Variants in IKZF1 observed in about 807,000 individuals in gnomAD.
IKZF1 encodes the protein DNA-binding protein Ikaros.
Under a neutral mutation model 51.7 loss-of-function variants are expected in IKZF1, and 10 were observed. The observed-to-expected ratio is 0.19, with a 90% CI of 0.12 to 0.33. IKZF1 has a LOEUF of 0.33. IKZF1 is among the 10% of genes least tolerant of loss of function. The pLI is 1.00. For synonymous variants in IKZF1, 280 were observed against 282.3 expected (o/e 0.99, Z 0.08); for missense variants, 484 against 707.5 (o/e 0.68, Z 3.58).
chr7:50,344,477 A>AT (rs1799854324), intron 3 of IKZF1, among the ~76,000 whole-genome samples: 1 of 152,130 alleles, frequency 6.6e-6, no homozygotes, highest in African/African-American at 2.4e-5. Flanking sequence ...TTGCCTCTCT[A>AT]TTTTTTGTGC....
chr7:50,370,841 G>A (rs1202748929), intron 3 of IKZF1, among the ~76,000 whole-genome samples: 1 of 152,154 alleles, frequency 6.6e-6, no homozygotes, highest in Non-Finnish European at 1.5e-5. Flanking sequence ...AAGTAATGGG[G>A]TGGGGGGTTA....
intron 3 of IKZF1, among the ~76,000 whole-genome samples, chr7:50,362,773 T>C (rs150022331): frequency 1.3e-5 from 2 of 152,166 alleles, no homozygotes; most frequent in Non-Finnish European, 2.9e-5. Flanking sequence ...TTGGAAGCAG[T>C]TGTGACCGGA....
chr7:50,334,886 G>GGT (rs1210670849), intron 3 of IKZF1, among the ~76,000 whole-genome samples: 45 of 150,570 alleles, frequency 3.0e-4, no homozygotes, highest in South Asian at 1.0e-3. Context: ...TGTAATGTGT[G>GGT]GTGTGTGTGT....
At chr7:50,316,511 A>T (rs1231871686) in intron 1 of IKZF1, among the ~76,000 whole-genome samples, 2 of 152,228 alleles carry the variant, frequency 1.3e-5, no homozygotes, top group East Asian at 3.8e-4. Flanking sequence ...GGCTGCTGAC[A>T]ATAGACGCGC....
chr7:50,336,249 C>T (rs893597470), intron 3 of IKZF1, among the ~76,000 whole-genome samples: 2 of 152,138 alleles, frequency 1.3e-5, no homozygotes, highest in African/African-American at 4.8e-5. Flanking sequence ...CTGCCTGGCC[C>T]CGGCGGGGGC....
intron 7 of IKZF1, among the ~76,000 whole-genome samples, chr7:50,392,354 T>C (rs1414893416): frequency 2.0e-5 from 3 of 151,922 alleles, no homozygotes; most frequent in Non-Finnish European, 4.4e-5. Flanking sequence ...AGGGCTTAGC[T>C]AGGATTGCTG....
In IKZF1 at chr7:50,403,340, G is replaced by A. The variant is rs114737126; in HGVS notation, c.*2713G>A. 1,530 of 222,140 alleles carry A rather than the reference G, an allele frequency of 6.9e-3. 16 individuals are homozygous for A. The highest frequency in any genetic ancestry group is 0.024 in the African/African-American group (1,077 of 44,718). 13.8% of individuals were successfully genotyped at this position (222,140 alleles called of 1,614,324 possible). A position where few individuals can be genotyped will look rare whatever the true frequency, so the allele number is the denominator to read the frequency against. On this transcript the variant is annotated 3_prime_UTR_variant, in exon 8 of 8. Transcript: ENST00000331340. ...TTGCATGACTTCACACTTTTTTTGC[G>A]TAGTTTCTTCTGTTGTATGATGGCG... is the stretch of plus-strand genomic sequence containing the variant.
At position 50,402,901 on chromosome 7, in the gene IKZF1, C is replaced by T. The variant is rs1300440597; in HGVS notation, c.*2274C>T. 2.6e-5 allele frequency: 6 copies of T among 228,836 alleles called. No homozygotes were observed. Among genetic ancestry groups the T allele is most frequent in the African/African-American group, 1.1e-4 (5 of 45,112 alleles). The allele number at this position is 228,836 out of a possible 1,614,324, so 14.2% of individuals were successfully genotyped here. On this transcript the variant is annotated 3_prime_UTR_variant, in exon 8 of 8. Transcript: ENST00000331340. ...CAATATGCAATCACAGAGAAAGATGCGCCTTATCCAAGTTAATATCTCTAA... is the reference window on the plus strand; with the variant it reads ...CAATATGCAATCACAGAGAAAGATGTGCCTTATCCAAGTTAATATCTCTAA...
At chr7:50,384,162 A>G (rs767315082) in intron 5 of IKZF1, among the ~76,000 whole-genome samples, 1 of 152,176 alleles carries the variant, frequency 6.6e-6, no homozygotes, top group Non-Finnish European at 1.5e-5. Flanking sequence ...TGCTTTAGAG[A>G]CATTCTAAAC....
At chr7:50,382,470 T>G (rs1812108951) in intron 4 of IKZF1, 70 bp from the exon 5 acceptor site, 1 of 1,501,886 alleles carries the variant, frequency 6.7e-7, no homozygotes. Context: ...GGAAACAACT[T>G]TCTCGTAGCA....
chr7:50,364,796 C>A (rs114253315), intron 3 of IKZF1, among the ~76,000 whole-genome samples: 6 of 152,326 alleles, frequency 3.9e-5, no homozygotes, highest in African/African-American at 1.4e-4. Flanking sequence ...TGCATACTCA[C>A]CTGCTCTGTG....
At chr7:50,360,731 G>A (rs952944229) in intron 3 of IKZF1, among the ~76,000 whole-genome samples, 3 of 152,336 alleles carry the variant, frequency 2.0e-5, no homozygotes, top group African/African-American at 4.8e-5. Flanking sequence ...GACGACTGCC[G>A]AGCTCCGCAG....
intron 1 of IKZF1, among the ~76,000 whole-genome samples, chr7:50,306,936 G>A (rs150764854): frequency 8.7e-4 from 132 of 152,278 alleles, no homozygotes; most frequent in African/African-American, 2.9e-3. Flanking sequence ...TCAAGATTAT[G>A]CATTTATTAA....
intron 3 of IKZF1, chr7:50,367,705 C>T (rs1045327587): frequency 1.2e-4 from 34 of 273,202 alleles, no homozygotes; most frequent in African/African-American, 7.5e-4. Context: ...AATGGTTTCT[C>T]ACAGTTCTAG....
chr7:50,314,351 C>T (rs950792082), intron 1 of IKZF1, among the ~76,000 whole-genome samples: 8 of 152,294 alleles, frequency 5.3e-5, no homozygotes, highest in African/African-American at 1.9e-4. Context: ...ACCTCATGAT[C>T]CGCCTGCCTC....
At chr7:50,358,008 A>T (rs758835389) in intron 3 of IKZF1, among the ~76,000 whole-genome samples, 3 of 152,232 alleles carry the variant, frequency 2.0e-5, no homozygotes, top group African/African-American at 7.2e-5. Flanking sequence ...AGGACATAGC[A>T]TAGCACCTTC....
intron 3 of IKZF1, among the ~76,000 whole-genome samples, chr7:50,362,605 T>C (rs1232658645): frequency 6.6e-6 from 1 of 152,198 alleles, no homozygotes; most frequent in Non-Finnish European, 1.5e-5. Context: ...CTCTTTTTTG[T>C]TTTAAAGCAT....
At chr7:50,319,327 A>C (rs890595537) in intron 2 of IKZF1, among the ~76,000 whole-genome samples, 5 of 152,164 alleles carry the variant, frequency 3.3e-5, no homozygotes, top group Non-Finnish European at 7.3e-5. Context: ...GTTAAACTTC[A>C]GGAAAAAAAA....
chr7:50,380,376 T>A (rs1811515175), intron 4 of IKZF1, among the ~76,000 whole-genome samples: 1 of 152,242 alleles, frequency 6.6e-6, no homozygotes, highest in Admixed American at 6.5e-5. Context: ...CAGAAGGGCA[T>A]GTGTCTGTAG....
Sources: allele counts gnomAD v4.1 joint callset (sites outside exome capture counted in the v4.1 genomes callset), GRCh38; gene constraint gnomAD v4.1.1; transcripts MANE v1.5; gene names NCBI Gene and HGNC (gene_info 2026-07-23, HGNC 2026-07-21).